The following FUT8 variants were observed in gnomAD, a reference collection of about 807,000 sequenced individuals.
FUT8 encodes fucosyltransferase 8, also known as alpha-(1,6)-fucosyltransferase.
In FUT8, 29 loss-of-function variants were observed where a neutral mutation model predicts 71.3. The ratio of observed to expected loss-of-function variants is 0.41; its 90% CI spans 0.30 to 0.55. FUT8 has a LOEUF of 0.55. FUT8 is among the 20% of genes least tolerant of loss of function. FUT8 has a pLI of 0.34. For missense variants in FUT8, 544 were observed against 702.1 expected (o/e 0.77, Z 2.55); for synonymous variants, 254 against 239.3 (o/e 1.06, Z -0.57).
At chr14:65,481,316 T>G (rs1805154110) in intron 2 of FUT8, among the ~76,000 whole-genome samples, 1 of 152,124 alleles carries the variant, frequency 6.6e-6, no homozygotes, top group African/African-American at 2.4e-5. Flanking sequence ...TGTTGTTGAG[T>G]TTTAGGGATA....
chr14:65,399,784 G>A, the FUT8 span, among the ~76,000 whole-genome samples: 2 of 152,076 alleles, frequency 1.3e-5, no homozygotes, highest in Admixed American at 1.3e-4. Context: ...GCTTGTATAA[G>A]GTTTCCTATG....
At chr14:65,537,925 G>T (rs1884436894) in intron 2 of FUT8, among the ~76,000 whole-genome samples, 1 of 152,200 alleles carries the variant, frequency 6.6e-6, no homozygotes, top group South Asian at 2.1e-4. Context: ...ACTTCATAGG[G>T]TGATGGCAAC....
At chr14:65,447,512 A>G (rs181909567) in intron 1 of FUT8, among the ~76,000 whole-genome samples, 1 of 152,102 alleles carries the variant, frequency 6.6e-6, no homozygotes, top group Non-Finnish European at 1.5e-5. Context: ...AGATTAAATT[A>G]AAAGATTAAA....
chr14:65,469,881 G>A (rs2066110476), intron 2 of FUT8, among the ~76,000 whole-genome samples: 1 of 152,226 alleles, frequency 6.6e-6, no homozygotes, highest in Non-Finnish European at 1.5e-5. Context: ...GGTGGCCATG[G>A]GTGGGCTGGA....
Position 65,439,993 on chromosome 14 carries a change from T to C in FUT8, c.-325-15628T>C, listed in dbSNP as rs937699163. 6.3e-3 allele frequency among the ~76,000 whole-genome samples: 864 copies of C among 138,172 alleles called. 13 individuals carry two copies. Among genetic ancestry groups the C allele is most frequent in the African/African-American group, 0.022 (825 of 37,842 alleles). 90.6% of individuals were successfully genotyped at this position (138,172 alleles called of 152,430 possible). A position where few individuals can be genotyped will look rare whatever the true frequency, so the allele number is the denominator to read the frequency against. On this transcript the variant is annotated intron_variant, in intron 1 of 10. Coordinates refer to ENST00000673929, the MANE Select transcript of FUT8 (RefSeq NM_001371533.1). ...ATATATATATATATATATATATATG[T>C]ACACACACACAGTGGAATACTGTTC... is the stretch of plus-strand genomic sequence containing the variant.
intron 2 of FUT8, among the ~76,000 whole-genome samples, chr14:65,517,208 T>C (rs1267240799): frequency 2.0e-5 from 3 of 152,144 alleles, no homozygotes; most frequent in Non-Finnish European, 4.4e-5. Flanking sequence ...AGTGTGTTAA[T>C]ATATTTTCTA....
chr14:65,429,476 TA>T (rs924293323), intron 1 of FUT8, among the ~76,000 whole-genome samples: 1 of 152,200 alleles, frequency 6.6e-6, no homozygotes, highest in Non-Finnish European at 1.5e-5. Flanking sequence ...CCAATGTAGG[TA>T]AACCACTTTT....
chr14:65,659,741 A>G (rs184140284), intron 6 of FUT8, among the ~76,000 whole-genome samples: 4 of 148,296 alleles, frequency 2.7e-5, no homozygotes, highest in Non-Finnish European at 4.5e-5. Context: ...TCTCCTCCCA[A>G]CTCCCCTTTT....
intron 2 of FUT8, among the ~76,000 whole-genome samples, chr14:65,530,808 G>GCTCTTTCTCT (rs1412032571): frequency 6.8e-6 from 1 of 146,454 alleles, no homozygotes. Context: ...TCTCTCTCTC[G>GCTCTTTCTCT]CTCTTTCTCT....
chr14:65,532,092 G>A (rs957334455), intron 2 of FUT8, among the ~76,000 whole-genome samples: 2 of 152,144 alleles, frequency 1.3e-5, no homozygotes, highest in African/African-American at 4.8e-5. Context: ...AGGCATGCAT[G>A]TGTCTTTATG....
rs558705131 is a variant in FUT8 at position 65,571,101 on chromosome 14, C to T, written c.203+9335C>T. On this transcript the variant is annotated intron_variant, in intron 3 of 10. Coordinates refer to ENST00000673929, the MANE Select transcript of FUT8 (RefSeq NM_001371533.1). Reference sequence around the variant, plus strand: ...GAATCTGCTGTGATTCTGGGTGCTGCTGGATTCGTGAATCGTTCATTGCTC... The same window carrying T: ...GAATCTGCTGTGATTCTGGGTGCTGTTGGATTCGTGAATCGTTCATTGCTC... Among the ~76,000 whole-genome samples the T allele has an allele frequency of 2.6e-5, 4 of 152,202 alleles. No individual in the cohort carries two copies. In the South Asian group the frequency reaches 8.3e-4, roughly 32 times the overall value.
intron 1 of FUT8, among the ~76,000 whole-genome samples, chr14:65,423,090 AT>A (rs1367792552): frequency 3.5e-5 from 5 of 144,672 alleles, no homozygotes; most frequent in Non-Finnish European, 6.0e-5. Context: ...AGTTCAAGTG[AT>A]TCTTCTGCCT....
intron 3 of FUT8, among the ~76,000 whole-genome samples, chr14:65,614,273 G>A (rs546418006): frequency 6.6e-6 from 1 of 152,238 alleles, no homozygotes; most frequent in African/African-American, 2.4e-5. Context: ...AGATATAATA[G>A]TAGCCTTCAT....
chr14:65,366,616 T>C, the FUT8 span, among the ~76,000 whole-genome samples: 1 of 152,210 alleles, frequency 6.6e-6, no homozygotes, highest in African/African-American at 2.4e-5. Flanking sequence ...AGTGGCAAGA[T>C]GATCCAAAGG....
At chr14:65,598,219 A>G (rs1028178564) in intron 3 of FUT8, among the ~76,000 whole-genome samples, 1 of 145,940 alleles carries the variant, frequency 6.9e-6, no homozygotes, top group African/African-American at 2.4e-5. Context: ...TGTATTTACT[A>G]AAAAAAAATT....
intron 1 of FUT8, among the ~76,000 whole-genome samples, chr14:65,419,401 T>C (rs1398750248): frequency 6.6e-6 from 1 of 152,154 alleles, no homozygotes; most frequent in Non-Finnish European, 1.5e-5. Flanking sequence ...TCTCCACTCA[T>C]GGGAGTACTG....
intron 1 of FUT8, among the ~76,000 whole-genome samples, chr14:65,440,207 G>C (rs573070689): frequency 6.6e-6 from 1 of 151,698 alleles, no homozygotes; most frequent in Non-Finnish European, 1.5e-5. Context: ...CTGTCAGCTG[G>C]GGAGAAATGG....
chr14:65,549,420 A>AC (rs902818825), intron 2 of FUT8, among the ~76,000 whole-genome samples: 3 of 151,316 alleles, frequency 2.0e-5, no homozygotes, highest in Non-Finnish European at 4.4e-5. Flanking sequence ...TGTATGGTTT[A>AC]CCCCCCAATC....
At chr14:65,718,512 A>G (rs1895242823) in intron 7 of FUT8, among the ~76,000 whole-genome samples, 3 of 152,218 alleles carry the variant, frequency 2.0e-5, no homozygotes, top group Non-Finnish European at 4.4e-5. Flanking sequence ...TACCACAATT[A>G]CAGTGTTATA....
Sources: allele counts gnomAD v4.1 joint callset (sites outside exome capture counted in the v4.1 genomes callset), GRCh38; gene constraint gnomAD v4.1.1; transcripts MANE v1.5; gene names NCBI Gene and HGNC (gene_info 2026-07-23, HGNC 2026-07-21).